Variants in SPINK5 observed in about 807,000 individuals in gnomAD.
SPINK5 encodes the protein serine protease inhibitor Kazal-type 5.
SPINK5 carries 125 observed loss-of-function variants against 151.8 expected under a neutral mutation model. The ratio of observed to expected loss-of-function variants is 0.82; its 90% confidence interval spans 0.71 to 0.96. SPINK5 has a LOEUF of 0.96. SPINK5 is among the 40% of genes least tolerant of loss of function. The probability of loss-of-function intolerance (pLI) is 0.00; values close to 1 mark genes in which losing one functional copy is unlikely to be tolerated. For missense variants in SPINK5, 1,194 were observed against 1,291.9 expected, an observed-to-expected ratio of 0.92 and a Z score of 1.16; for synonymous variants, 374 against 395.3, an observed-to-expected ratio of 0.95 and a Z score of 0.64.
chr5:148,086,425 A>C lies in SPINK5; in HGVS notation c.303A>C (p.Lys101Asn). Residue 101 changes from lysine (K) to asparagine (N), a missense_variant, in exon 5 of 33, where the codon AAA becomes AAC. Physicochemically the swap from Lys to Asn is moderately conservative, Grantham distance 94 (BLOSUM62 0). Transcript: ENST00000256084. The stretch of plus-strand genomic sequence containing the variant: ...TGCAGCTGAATTGTGATGATTTTAA[A>C]AAAGGAGAAAGAGATGGGGATTTTA... ...APTELNCDDF[K>N]KGERDGDFIC... The C allele has an allele frequency of 1.2e-6, 2 of 1,611,408 alleles. No homozygotes were observed. The highest frequency in any genetic ancestry group is 1.7e-6 in the Non-Finnish European group (2 of 1,178,574).
chr5:148,109,238 T>C (rs1159866219), intron 18 of SPINK5, among the ~76,000 whole-genome samples: 1 of 152,066 alleles, frequency 6.6e-6, no homozygotes, highest in African/African-American at 2.4e-5. Flanking sequence ...ATCTGTGAGA[T>C]TTTGAGGAGA....
chr5:148,128,124 A>T (rs1295916220), intron 30 of SPINK5, among the ~76,000 whole-genome samples: 1 of 152,200 alleles, frequency 6.6e-6, no homozygotes, highest in Admixed American at 6.5e-5. Context: ...GTAATAGATG[A>T]GTTACATACA....
intron 26 of SPINK5, 58 bp downstream of exon 26, chr5:148,120,449 T>G: frequency 6.5e-7 from 1 of 1,542,250 alleles, no homozygotes; most frequent in South Asian, 1.2e-5. Context: ...TATGGTATAT[T>G]TATTCAACAA....
intron 17 of SPINK5, among the ~76,000 whole-genome samples, chr5:148,107,789 G>C (rs1007066433): frequency 2.6e-5 from 4 of 152,136 alleles, no homozygotes; most frequent in African/African-American, 9.7e-5. Flanking sequence ...GAGTGGTGTA[G>C]GTAAGCCTGT....
Position 148,121,809 on chromosome 5 carries a change from T to TA in SPINK5, c.2538+1428dup, listed in dbSNP as rs33932658. On this transcript the variant is annotated intron_variant, in intron 26 of 32. Transcript: ENST00000256084. The stretch of plus-strand genomic sequence containing the variant: ...CCTGTCTCTACAAAATAATAATAAT[T>TA]AAAAAAAAAATAGCCAGGCATGATG... Among the ~76,000 whole-genome samples, 84 of 148,060 alleles carry TA rather than the reference T, an allele frequency of 5.7e-4. 1 individual carries two copies. Among genetic ancestry groups the TA allele is most frequent in the Middle Eastern group, 6.9e-3 (2 of 290 alleles).
chr5:148,095,737 T>G, intron 9 of SPINK5, 81 bp from the exon 10 acceptor site: 1 of 1,218,200 alleles, frequency 8.2e-7, no homozygotes, highest in East Asian at 2.4e-5. Flanking sequence ...ACAACTTAGA[T>G]ATTTTTCCAT....
chr5:148,072,035 C>A, intron 3 of SPINK5, 113 bp from the exon 4 acceptor site: 1 of 954,976 alleles, frequency 1.0e-6, no homozygotes, highest in Non-Finnish European at 1.7e-6. Flanking sequence ...CCAATTTTGA[C>A]ATGCCAGGCT....
intron 30 of SPINK5, among the ~76,000 whole-genome samples, chr5:148,130,621 A>G (rs531537796): frequency 6.6e-6 from 1 of 152,264 alleles, no homozygotes; most frequent in South Asian, 2.1e-4. Context: ...AAATATACAT[A>G]TGTTTTTTAC....
intron 4 of SPINK5, among the ~76,000 whole-genome samples, chr5:148,074,742 C>T (rs1226898500): frequency 1.3e-5 from 2 of 151,530 alleles, no homozygotes; most frequent in Non-Finnish European, 3.0e-5. Context: ...GTAAAATTGA[C>T]TTTTTACAGT....
intron 4 of SPINK5, among the ~76,000 whole-genome samples, chr5:148,075,868 C>T (rs1479692918): frequency 6.6e-6 from 1 of 151,636 alleles, no homozygotes; most frequent in Non-Finnish European, 1.5e-5. Flanking sequence ...GAAGGCTAAC[C>T]TAATTTGGAG....
chr5:148,094,240 A>G, intron 8 of SPINK5, 114 bp from the exon 9 acceptor site: 1 of 1,177,040 alleles, frequency 8.5e-7, no homozygotes. Context: ...GGCTTCACTG[A>G]GCTATGATCA....
Position 148,101,406 on chromosome 5 carries a change from A to G in SPINK5, c.1272A>G (p.Lys424=), listed in dbSNP as rs1581081951. Residue 424 remains lysine, a synonymous_variant, in exon 14 of 33, where the codon AAA becomes AAG. Transcript: ENST00000256084. ...AGAAGGAAGGTAAATCAAGAAACAA[A>G]AGACAATCTAAGAGTACAGCTTCCT... ...KKKKEGKSRN[K]RQSKSTASFE... 6.2e-7 allele frequency: 1 copy of G among 1,611,768 alleles called. No individual in the cohort carries two copies. The highest frequency in any genetic ancestry group is 8.5e-7 in the Non-Finnish European group (1 of 1,178,004).
chr5:148,087,666 G>A (rs1343027799), intron 5 of SPINK5, among the ~76,000 whole-genome samples: 3 of 151,756 alleles, frequency 2.0e-5, no homozygotes, highest in African/African-American at 7.3e-5. Flanking sequence ...AATTCTTACT[G>A]TGTCTTATGT....
chr5:148,108,634 A>C, intron 17 of SPINK5, 119 bp from the exon 18 acceptor site: 1 of 1,440,778 alleles, frequency 6.9e-7, no homozygotes, highest in Non-Finnish European at 9.5e-7. Context: ...AGACTAGATA[A>C]ATTTGTATTG....
At chr5:148,115,513 C>T (rs1190590025) in intron 21 of SPINK5, among the ~76,000 whole-genome samples, 2 of 152,008 alleles carry the variant, frequency 1.3e-5, no homozygotes, top group Admixed American at 6.6e-5. Flanking sequence ...ATAAATAACC[C>T]AGGAAGAGGC....
chr5:148,124,674 A>C, intron 27 of SPINK5, 91 bp from the exon 28 acceptor site: 1 of 958,836 alleles, frequency 1.0e-6, no homozygotes, highest in Non-Finnish European at 1.5e-6. Context: ...TAGATTTGCT[A>C]ATGTTTAGAA....
intron 9 of SPINK5, 29 bp downstream of exon 9, chr5:148,094,510 G>C: frequency 1.9e-6 from 3 of 1,611,400 alleles, no homozygotes; most frequent in Non-Finnish European, 2.5e-6. Context: ...TTTTCAGAGT[G>C]ATTCAAAGGG....
In SPINK5 at chr5:148,072,224, A is replaced by G; in HGVS notation, c.282+4A>G. ...CAAGGCTACTGCCCCAACAGAGGTG[A>G]GACTATTTGGAGCCAACCTGTTTAC... is the stretch of plus-strand genomic sequence containing the variant. On this transcript the variant is annotated splice_donor_region_variant and intron_variant, in intron 4 of 32. Coordinates refer to ENST00000256084, the MANE Select transcript of SPINK5 (RefSeq NM_006846.4). 4 of 1,611,866 alleles carry G rather than the reference A, an allele frequency of 2.5e-6. No individual in the cohort carries two copies. The highest frequency in any genetic ancestry group is 2.5e-6 in the Non-Finnish European group (3 of 1,178,396).
chr5:148,105,307 TA>T (rs1451723447), intron 16 of SPINK5, among the ~76,000 whole-genome samples: 1 of 152,212 alleles, frequency 6.6e-6, no homozygotes, highest in African/African-American at 2.4e-5. Context: ...TGCCATTTAC[TA>T]ATTTCAATTT....
Sources: allele counts gnomAD v4.1 joint callset (sites outside exome capture counted in the v4.1 genomes callset), GRCh38; gene constraint gnomAD v4.1.1; transcripts MANE v1.5; gene names NCBI Gene and HGNC (gene_info 2026-07-23, HGNC 2026-07-21).